Variants in THSD7B observed in about 807,000 individuals in gnomAD.
The protein encoded by THSD7B is thrombospondin type-1 domain-containing protein 7B.
THSD7B carries 138 observed loss-of-function variants against 213.6 expected under a neutral mutation model. The observed-to-expected ratio is 0.65, with a 90% CI of 0.56 to 0.74. The LOEUF (loss-of-function observed/expected upper bound fraction) is 0.74. Ranked by LOEUF, THSD7B falls within the 30% of genes least tolerant of loss-of-function variation. The pLI, the probability that THSD7B is intolerant of heterozygous loss-of-function variation, is 0.00. For missense variants in THSD7B, 1,931 were observed against 1,991.5 expected (o/e 0.97, Z 0.58); for synonymous variants, 742 against 687.0 (o/e 1.08, Z -1.25).
At chr2:137,671,922 A>T (rs546573686) in intron 27 of THSD7B, among the ~76,000 whole-genome samples, 1 of 152,238 alleles carries the variant, frequency 6.6e-6, no homozygotes, top group Admixed American at 6.5e-5. Context: ...CTTTTTAAAC[A>T]GTCTGGAATA....
At chr2:137,284,133 T>A (rs924566010) in intron 12 of THSD7B, among the ~76,000 whole-genome samples, 1 of 152,066 alleles carries the variant, frequency 6.6e-6, no homozygotes, top group Non-Finnish European at 1.5e-5. Flanking sequence ...CTTGGGAGAG[T>A]GTATGTGTCA....
chr2:137,126,281 A>G (rs796457379), intron 5 of THSD7B, among the ~76,000 whole-genome samples: 12 of 152,298 alleles, frequency 7.9e-5, no homozygotes, highest in African/African-American at 2.9e-4. Context: ...CTACATTAAG[A>G]ATTGGTTTTC....
intron 21 of THSD7B, among the ~76,000 whole-genome samples, chr2:137,651,828 A>G (rs1031344382): frequency 6.6e-6 from 1 of 151,978 alleles, no homozygotes; most frequent in Non-Finnish European, 1.5e-5. Flanking sequence ...ATTCAGGAGC[A>G]TGTTGTTTAA....
chr2:137,516,991 T>A (rs1211643686), intron 15 of THSD7B, among the ~76,000 whole-genome samples: 1 of 152,228 alleles, frequency 6.6e-6, no homozygotes, highest in Non-Finnish European at 1.5e-5. Flanking sequence ...CAGTGGATTA[T>A]TGTAAGCTTA....
At chr2:136,933,161 T>G (rs1289860831) in intron 2 of THSD7B, among the ~76,000 whole-genome samples, 1 of 150,388 alleles carries the variant, frequency 6.6e-6, no homozygotes, top group Non-Finnish European at 1.5e-5. Context: ...CCTTCCTTCC[T>G]TCCTTCCTGT....
intron 1 of THSD7B, among the ~76,000 whole-genome samples, chr2:136,850,257 A>G (rs1683077888): frequency 6.6e-6 from 1 of 151,840 alleles, no homozygotes; most frequent in South Asian, 2.1e-4. Context: ...GTATGAGTAC[A>G]TTAAAATTAT....
rs189770223 is a variant in THSD7B at position 136,881,911 on chromosome 2, G to A, written c.-35-233G>A. ...GAAATAAGTAGTTTTATCATCCAGTGGTAGATTTCATTCATGAATACACTT... is the reference window on the plus strand; with the variant it reads ...GAAATAAGTAGTTTTATCATCCAGTAGTAGATTTCATTCATGAATACACTT... On this transcript the variant is annotated intron_variant, in intron 1 of 27. Coordinates refer to ENST00000409968, the MANE Select transcript of THSD7B (RefSeq NM_001316349.2). 2.2e-4 allele frequency among the ~76,000 whole-genome samples: 34 copies of A among 152,120 alleles called. No homozygotes were observed. The East Asian group carries it at 6.6e-3, about 29-fold the overall frequency.
chr2:136,868,774 A>T (rs1217437676), intron 1 of THSD7B, among the ~76,000 whole-genome samples: 2 of 152,098 alleles, frequency 1.3e-5, no homozygotes, highest in Non-Finnish European at 2.9e-5. Flanking sequence ...GACAACATTC[A>T]CATATATGTG....
intron 12 of THSD7B, among the ~76,000 whole-genome samples, chr2:137,347,819 A>C (rs560910365): frequency 6.6e-6 from 1 of 151,692 alleles, no homozygotes; most frequent in African/African-American, 2.4e-5. Context: ...TACATGAAAA[A>C]TAGTTCTTAA....
chr2:137,258,198 C>T (rs946307514), intron 10 of THSD7B, among the ~76,000 whole-genome samples: 8 of 152,030 alleles, frequency 5.3e-5, no homozygotes, highest in Admixed American at 1.3e-4. Flanking sequence ...TATCCAACTA[C>T]GTTATGGCTT....
At chr2:137,070,201 G>T (rs533430949) in intron 3 of THSD7B, among the ~76,000 whole-genome samples, 1 of 150,564 alleles carries the variant, frequency 6.6e-6, no homozygotes, top group African/African-American at 2.5e-5. Flanking sequence ...ACAAAAGGTA[G>T]CAAGTTATAT....
At chr2:137,293,057 T>A (rs2104835321) in intron 12 of THSD7B, among the ~76,000 whole-genome samples, 1 of 152,284 alleles carries the variant, frequency 6.6e-6, no homozygotes, top group South Asian at 2.1e-4. Context: ...GGATTTTGAA[T>A]ATTAAATTGA....
intron 10 of THSD7B, among the ~76,000 whole-genome samples, chr2:137,252,282 A>AAC (rs1553482952): frequency 6.6e-6 from 1 of 151,064 alleles, no homozygotes; most frequent in South Asian, 2.1e-4. Context: ...AAAAAAAAAA[A>AAC]AAAAAAAACA....
At chr2:137,297,280 T>G (rs973069036) in intron 12 of THSD7B, among the ~76,000 whole-genome samples, 2 of 150,240 alleles carry the variant, frequency 1.3e-5, no homozygotes, top group Non-Finnish European at 3.0e-5. Flanking sequence ...CAAGACTCTG[T>G]TCCTAAAAAA....
intron 15 of THSD7B, among the ~76,000 whole-genome samples, chr2:137,547,912 C>T (rs1160748131): frequency 6.6e-6 from 1 of 151,900 alleles, no homozygotes; most frequent in Non-Finnish European, 1.5e-5. Context: ...GCATTTCTTA[C>T]CAGTTATGGG....
chr2:137,081,668 A>G (rs1490387724), intron 3 of THSD7B, among the ~76,000 whole-genome samples: 1 of 152,130 alleles, frequency 6.6e-6, no homozygotes, highest in South Asian at 2.1e-4. Context: ...TTTATGTTAC[A>G]GGGTTTTTCT....
chr2:137,487,396 A>AAAAAAC lies in THSD7B; in HGVS notation c.3138+36376_3138+36377insAACAAA, dbSNP rs757398774. Among the ~76,000 whole-genome samples, 418 of 120,952 alleles carry AAAAAAC rather than the reference A, an allele frequency of 3.5e-3. 27 individuals are homozygous for AAAAAAC. Among genetic ancestry groups the AAAAAAC allele is most frequent in the South Asian group, 8.7e-3 (32 of 3,686 alleles). 79.3% of individuals were successfully genotyped at this position (120,952 alleles called of 152,430 possible). On this transcript the variant is annotated intron_variant, in intron 15 of 27. Coordinates refer to ENST00000409968, the MANE Select transcript of THSD7B (RefSeq NM_001316349.2). ...TCTCAAAAAAAAAAAAAAAAAAAAA[A>AAAAAAC]AAAGAACTAGAAAAGCAAGAGCAAA...
intron 7 of THSD7B, among the ~76,000 whole-genome samples, chr2:137,221,111 A>T (rs35331468): frequency 6.6e-6 from 1 of 151,830 alleles, no homozygotes; most frequent in Non-Finnish European, 1.5e-5. Context: ...CCACGGTGAA[A>T]CCCCGTCTCT....
intron 14 of THSD7B, among the ~76,000 whole-genome samples, chr2:137,415,452 A>T (rs894335528): frequency 6.6e-6 from 1 of 152,080 alleles, no homozygotes; most frequent in African/African-American, 2.4e-5. Flanking sequence ...TTTTTAAAAA[A>T]CTTTAAAATG....
Sources: gnomAD v4.1 joint callset for allele counts (sites outside exome capture counted in the v4.1 genomes callset) on GRCh38, gnomAD v4.1.1 for gene constraint, MANE v1.5 for transcripts, NCBI Gene and HGNC (gene_info 2026-07-23, HGNC 2026-07-21) for gene names.